FAM193A: variants seen among roughly 807,000 people sequenced by gnomAD.
FAM193A encodes family with sequence similarity 193 member A.
Under a neutral mutation model 126.5 loss-of-function variants are expected in FAM193A, and 22 were observed. The ratio of observed to expected loss-of-function variants is 0.17; its 90% CI spans 0.12 to 0.25. The LOEUF is 0.25. FAM193A is among the 10% of genes least tolerant of loss of function. FAM193A has a pLI of 1.00. For synonymous variants in FAM193A, 761 were observed against 646.8 expected (o/e 1.18, Z -2.68); for missense variants, 1,675 against 1,672.8 (o/e 1.00, Z -0.02).
intron 2 of FAM193A, among the ~76,000 whole-genome samples, chr4:2,620,698 A>C (rs1263336507): frequency 7.1e-6 from 1 of 141,560 alleles, no homozygotes; most frequent in African/African-American, 2.5e-5. Flanking sequence ...AAAATACAAA[A>C]ATTAGCCAGG....
intron 2 of FAM193A, chr4:2,615,278 TG>T (rs1194839492): frequency 2.6e-5 from 4 of 152,402 alleles, no homozygotes; most frequent in Admixed American, 1.3e-4. Flanking sequence ...TTTCTTAAGG[TG>T]GAAGTTTACA....
At chr4:2,568,698 C>T (rs995606906) in intron 1 of FAM193A, among the ~76,000 whole-genome samples, 2 of 152,080 alleles carry the variant, frequency 1.3e-5, no homozygotes, top group Non-Finnish European at 2.9e-5. Flanking sequence ...AGGGAAAAAA[C>T]GAGAAGCATT....
intron 1 of FAM193A, among the ~76,000 whole-genome samples, chr4:2,571,183 G>A (rs1410204177): frequency 1.3e-5 from 2 of 152,148 alleles, no homozygotes; most frequent in East Asian, 3.9e-4. Context: ...TTTGTCTTTA[G>A]TTCACATTTC....
intron 13 of FAM193A, among the ~76,000 whole-genome samples, chr4:2,685,500 T>G (rs1031119738): frequency 6.6e-6 from 1 of 152,192 alleles, no homozygotes; most frequent in African/African-American, 2.4e-5. Context: ...GAGCTGAGAT[T>G]CAGCTCTTCC....
intron 13 of FAM193A, among the ~76,000 whole-genome samples, chr4:2,677,373 G>A (rs190027076): frequency 6.6e-6 from 1 of 152,292 alleles, no homozygotes; most frequent in African/African-American, 2.4e-5. Context: ...ATCAGGAAGT[G>A]TGAGTCCACC....
chr4:2,536,666 C>A lies in FAM193A; in HGVS notation c.-250C>A, dbSNP rs1210089418. 6.7e-6 allele frequency: 1 copy of A among 150,320 alleles called. No individual in the cohort carries two copies. The highest frequency in any genetic ancestry group is 1.5e-5 in the Non-Finnish European group (1 of 67,436). The allele number at this position is 150,320 out of a possible 1,614,324, so 9.3% of individuals were successfully genotyped here. A position where few individuals can be genotyped will look rare whatever the true frequency, so the allele number is the denominator to read the frequency against. On this transcript the variant is annotated 5_prime_UTR_variant, in exon 1 of 21. Coordinates refer to ENST00000637812, the MANE Select transcript of FAM193A (RefSeq NM_001366318.2). ...ACTGGGATCCCTTTCCCCTTGTGTC[C>A]GCCATATTGGACTCTAACTCTGGTC...
chr4:2,560,360 G>T lies in FAM193A; in HGVS notation c.255+23190G>T, dbSNP rs75006044. 3.3e-3 allele frequency among the ~76,000 whole-genome samples: 506 copies of T among 152,326 alleles called. 4 individuals are homozygous for T. The highest frequency in any genetic ancestry group is 0.012 in the African/African-American group (479 of 41,574). The stretch of plus-strand genomic sequence containing the variant: ...TTTCTTCACCGTCCGAGGCCAGGCT[G>T]TACCTTCCCTTCTGAGTTCCTGTGG... On this transcript the variant is annotated intron_variant, in intron 1 of 20. Coordinates refer to ENST00000637812, the MANE Select transcript of FAM193A (RefSeq NM_001366318.2).
intron 2 of FAM193A, among the ~76,000 whole-genome samples, chr4:2,600,031 C>G (rs1440859693): frequency 6.6e-6 from 1 of 152,166 alleles, no homozygotes; most frequent in Non-Finnish European, 1.5e-5. Flanking sequence ...TCCCGAGTAC[C>G]GGGGACTATA....
rs1438599499 is a variant in FAM193A at position 2,626,997 on chromosome 4, T to G, written c.803+420T>G. Reference sequence around the variant, plus strand: ...GCTCTGTGAGGTTGGGTAGCTTGTGTATGTGCCTGTGGTTCATGAGGCCAA... The same window carrying G: ...GCTCTGTGAGGTTGGGTAGCTTGTGGATGTGCCTGTGGTTCATGAGGCCAA... On this transcript the variant is annotated intron_variant, in intron 4 of 20. Coordinates refer to ENST00000637812, the MANE Select transcript of FAM193A (RefSeq NM_001366318.2). Among the ~76,000 whole-genome samples the G allele has an allele frequency of 2.0e-5, 3 of 152,006 alleles. No homozygotes were observed. The East Asian group carries it at 5.8e-4, about 29-fold the overall frequency.
At chr4:2,587,396 T>C (rs945982137) in intron 1 of FAM193A, among the ~76,000 whole-genome samples, 7 of 152,194 alleles carry the variant, frequency 4.6e-5, no homozygotes, top group Non-Finnish European at 1.0e-4. Context: ...CACTTCCCAT[T>C]AGGCCCACCT....
At chr4:2,696,248 C>A in intron 17 of FAM193A, 115 bp from the exon 18 acceptor site, 1 of 690,128 alleles carries the variant, frequency 1.4e-6, no homozygotes, top group Non-Finnish European at 2.4e-6. Context: ...CCTTATTTTT[C>A]ACAACAAATA....
At chr4:2,640,310 G>C (rs1340468701) in intron 6 of FAM193A, among the ~76,000 whole-genome samples, 1 of 152,138 alleles carries the variant, frequency 6.6e-6, no homozygotes, top group Non-Finnish European at 1.5e-5. Context: ...TCTGTCTCCT[G>C]GTGTAGCGCA....
At chr4:2,685,609 A>G (rs1715646292) in intron 13 of FAM193A, among the ~76,000 whole-genome samples, 1 of 152,204 alleles carries the variant, frequency 6.6e-6, no homozygotes, top group Non-Finnish European at 1.5e-5. Context: ...AAATACAGAG[A>G]GTCTGTCATC....
chr4:2,640,485 A>C (rs1401131462), intron 6 of FAM193A, among the ~76,000 whole-genome samples: 1 of 152,162 alleles, frequency 6.6e-6, no homozygotes, highest in Non-Finnish European at 1.5e-5. Flanking sequence ...TTCAGTTAGA[A>C]GGCATGTTCC....
intron 19 of FAM193A, among the ~76,000 whole-genome samples, chr4:2,707,966 T>G (rs895711113): frequency 7.2e-5 from 11 of 152,196 alleles, no homozygotes; most frequent in Admixed American, 5.9e-4. Context: ...GCCAGGCTAG[T>G]CTCGAACTCC....
At chr4:2,689,187 C>T (rs1403067824) in intron 13 of FAM193A, among the ~76,000 whole-genome samples, 1 of 152,226 alleles carries the variant, frequency 6.6e-6, no homozygotes, top group Non-Finnish European at 1.5e-5. Flanking sequence ...AGAAACAGAT[C>T]TTACGACGCA....
upstream of FAM193A, among the ~76,000 whole-genome samples, chr4:2,536,363 G>C (rs1490395153): frequency 6.6e-6 from 1 of 151,794 alleles, no homozygotes; most frequent in Non-Finnish European, 1.5e-5. Flanking sequence ...GCCGCATCCA[G>C]CTCCCTGGCC....
intron 13 of FAM193A, among the ~76,000 whole-genome samples, chr4:2,685,770 G>A (rs1233527186): frequency 1.3e-5 from 2 of 152,248 alleles, no homozygotes; most frequent in Non-Finnish European, 2.9e-5. Flanking sequence ...GTGGGTGTGG[G>A]TGGTAGAGGA....
intron 1 of FAM193A, among the ~76,000 whole-genome samples, chr4:2,594,458 ACT>A (rs1740736623): frequency 6.6e-6 from 1 of 151,928 alleles, no homozygotes; most frequent in Non-Finnish European, 1.5e-5. Context: ...AGCTGGGTCC[ACT>A]CTCTTCCCAC....
Sources: allele counts gnomAD v4.1 joint callset (sites outside exome capture counted in the v4.1 genomes callset), GRCh38; gene constraint gnomAD v4.1.1; transcripts MANE v1.5; gene names NCBI Gene and HGNC (gene_info 2026-07-23, HGNC 2026-07-21).